The following TAF2 variants were observed in gnomAD, a reference collection of about 807,000 sequenced individuals.
TAF2 encodes transcription initiation factor TFIID subunit 2.
In TAF2, 61 loss-of-function variants were observed where a neutral mutation model predicts 138.5. The observed-to-expected ratio is 0.44, with a 90% confidence interval of 0.36 to 0.54. TAF2 has a LOEUF of 0.54. Among genes scored for constraint, TAF2 ranks in the 20% least tolerant of loss-of-function variants. The pLI, the probability that TAF2 is intolerant of heterozygous loss-of-function variation, is 0.00. For missense variants in TAF2, 1,090 were observed against 1,427.9 expected (o/e 0.76, Z 3.81); for synonymous variants, 475 against 469.9 (o/e 1.01, Z -0.14).
At chr8:119,738,424 T>C (rs1420636936) in intron 25 of TAF2, among the ~76,000 whole-genome samples, 1 of 152,198 alleles carries the variant, frequency 6.6e-6, no homozygotes, top group East Asian at 1.9e-4. Flanking sequence ...GTCTGCTAAA[T>C]TGTCCATTCA....
intron 20 of TAF2, among the ~76,000 whole-genome samples, chr8:119,759,921 T>C (rs1205599225): frequency 6.6e-6 from 1 of 152,164 alleles, no homozygotes; most frequent in African/African-American, 2.4e-5. Flanking sequence ...ACTATTCTTT[T>C]GCCTTGCACC....
chr8:119,794,582 C>A (rs1419002873), intron 9 of TAF2, among the ~76,000 whole-genome samples: 1 of 152,160 alleles, frequency 6.6e-6, no homozygotes, highest in African/African-American at 2.4e-5. Context: ...AATAATTTAA[C>A]CTTTCTTTCT....
In TAF2 at chr8:119,803,919, T is replaced by C. The variant is rs1824438762; in HGVS notation, c.519A>G (p.Arg173=). 1.2e-6 allele frequency: 2 copies of C among 1,613,854 alleles called. No individual in the cohort carries two copies. The highest frequency in any genetic ancestry group is 1.3e-5 in the African/African-American group (1 of 74,892). Residue 173 remains arginine, a synonymous_variant, in exon 5 of 26, where the codon AGA becomes AGG. Transcript: ENST00000378164. The part of the protein sequence containing the change: ...VPSVEGSMAE[R]GAHVFSCGYQ... ...ACCCACAAGAGAAAACATGAGCACC[T>C]CTCTCTGCCATACTTCCCTCTACAC...
At position 119,778,055 on chromosome 8, in the gene TAF2, T is replaced by C. The variant is rs771001599; in HGVS notation, c.2328A>G (p.Leu776=). The C allele has an allele frequency of 2.5e-6, 4 of 1,582,230 alleles. No homozygotes were observed. Among genetic ancestry groups the C allele is most frequent in the Non-Finnish European group, 3.5e-6 (4 of 1,154,348 alleles). The change falls in exon 18 of 26, where the codon TTA becomes TTG. Residue 776 remains leucine (L), a synonymous_variant. Coordinates refer to ENST00000378164, the MANE Select transcript of TAF2 (RefSeq NM_003184.4). The part of the protein sequence containing the change: ...LCPKEVLTFI[L]DLIKYNDNRK... ...TGTTGTCATTGTACTTGATTAAGTC[T>C]AAAATAAATGTTAAGACTTCTTTAG...
At chr8:119,744,772 TC>T (rs756555084) in intron 23 of TAF2, 6 of 386,640 alleles carry the variant, frequency 1.6e-5, no homozygotes, top group African/African-American at 4.2e-5. Context: ...TATAATGCAG[TC>T]TGTTGCGTGT....
Position 119,789,655 on chromosome 8 carries a change from C to A in TAF2, c.1505G>T (p.Gly502Val). ...GACATTTGAAATGGATTTCAAAAAC[C>A]CAGATGTGGAAACCAACATCTGACT... ...MWSQMLVSTS[G>V]FLKSISNVSG... Residue 502 changes from glycine (G) to valine (V), a missense_variant, in exon 12 of 26, where the codon GGG (glycine) becomes GTG (valine). This residue lies in a region of TAF2 where 504 missense variants were observed against 680.9 expected (regional missense o/e 0.74). Coordinates refer to ENST00000378164, the MANE Select transcript of TAF2 (RefSeq NM_003184.4). 6.2e-7 allele frequency: 1 copy of A among 1,613,790 alleles called. No individual in the cohort carries two copies. Among genetic ancestry groups the A allele is most frequent in the Non-Finnish European group, 8.5e-7 (1 of 1,179,920 alleles).
Position 119,758,115 on chromosome 8 carries a change from C to T in TAF2, c.2726G>A (p.Trp909Ter). The stretch of plus-strand genomic sequence containing the variant: ...GTCATTCTGAATCATATTAAGTAGC[C>T]ATTGCAGTTCTTCATAACTTCTGTC... ...KVDRSYEELQWLLNMIQNDPV... is the reference protein window; with the variant it reads ...KVDRSYEELQ Residue 909 changes from tryptophan (W) to a stop codon, truncating the protein, a stop_gained, in exon 21 of 26, where the codon TGG becomes TAG. Transcript: ENST00000378164. LOFTEE classifies it high-confidence loss of function. 1 of 1,612,938 alleles carries T rather than the reference C, an allele frequency of 6.2e-7. No homozygotes were observed. The highest frequency in any genetic ancestry group is 8.5e-7 in the Non-Finnish European group (1 of 1,179,546).
At chr8:119,794,674 C>T (rs1449123958) in intron 9 of TAF2, among the ~76,000 whole-genome samples, 1 of 152,112 alleles carries the variant, frequency 6.6e-6, no homozygotes, top group African/African-American at 2.4e-5. Flanking sequence ...ATTTATAAAA[C>T]ATTTGTAACA....
At chr8:119,821,355 A>G (rs2131259934) in intron 2 of TAF2, among the ~76,000 whole-genome samples, 1 of 151,988 alleles carries the variant, frequency 6.6e-6, no homozygotes, top group Non-Finnish European at 1.5e-5. Context: ...TGGAGCCCAC[A>G]CTCCATTTTA....
intron 3 of TAF2, among the ~76,000 whole-genome samples, chr8:119,812,303 A>G (rs1825125416): frequency 6.6e-6 from 1 of 151,800 alleles, no homozygotes; most frequent in Non-Finnish European, 1.5e-5. Context: ...CAAGACAGGG[A>G]GCCGAATGTG....
intron 1 of TAF2, among the ~76,000 whole-genome samples, chr8:119,832,146 G>C (rs1010715792): frequency 6.6e-5 from 10 of 151,636 alleles, no homozygotes; most frequent in African/African-American, 2.2e-4. Flanking sequence ...GCGACTGAGA[G>C]ACTCCGTCTT....
At chr8:119,737,525 T>TA (rs975738479) in intron 25 of TAF2, among the ~76,000 whole-genome samples, 1 of 150,800 alleles carries the variant, frequency 6.6e-6, no homozygotes, top group Non-Finnish European at 1.5e-5. Flanking sequence ...TTTTTTTTTT[T>TA]TGAGACAGAG....
In TAF2 at chr8:119,742,392, A is replaced by G. The variant is rs895339236; in HGVS notation, c.3337+142T>C. The G allele has an allele frequency of 3.0e-6, 3 of 989,620 alleles. No homozygotes were observed. In the East Asian group the frequency reaches 8.2e-5, roughly 27 times the overall value. The allele number at this position is 989,620 out of a possible 1,614,324, so 61.3% of individuals were successfully genotyped here. On this transcript the variant is annotated intron_variant, in intron 25 of 25. Transcript: ENST00000378164. ...AAAATAGTCTTTAAAGTTAGACAATATAAGCTCAATGTATTACAAGAAAAG... is the reference window on the plus strand; with the variant it reads ...AAAATAGTCTTTAAAGTTAGACAATGTAAGCTCAATGTATTACAAGAAAAG...
chr8:119,804,998 C>T (rs1346606734), intron 4 of TAF2, among the ~76,000 whole-genome samples: 2 of 152,162 alleles, frequency 1.3e-5, no homozygotes, highest in East Asian at 1.9e-4. Flanking sequence ...CCACGTCTGT[C>T]CCCTAAATTA....
chr8:119,770,033 C>G (rs1013651827), intron 18 of TAF2, among the ~76,000 whole-genome samples: 2 of 150,652 alleles, frequency 1.3e-5, no homozygotes, highest in African/African-American at 4.9e-5. Flanking sequence ...CTGGGATTAC[C>G]GGTGTAAGCC....
rs1431754493 is a variant in TAF2, at chr8:119,732,112, A to G, written c.3412T>C (p.Ser1138Pro). The change falls in exon 26 of 26, where the codon TCT (serine) becomes CCT (proline). Residue 1138 changes from serine to proline, a missense_variant. Physicochemically the swap from Ser to Pro is moderately conservative, Grantham distance 74. Transcript: ENST00000378164. Reference protein sequence around the residue: ...SAPLSVFTKESTASKHSDHHH... With the variant: ...SAPLSVFTKEPTASKHSDHHH... ...TGGTCACTGTGTTTGGAGGCTGTAG[A>G]TTCCTTAGTAAAGACTGAGAGTGGA... The G allele has an allele frequency of 3.1e-6, 5 of 1,613,988 alleles. No individual in the cohort carries two copies. In the East Asian group the frequency reaches 6.7e-5, roughly 22 times the overall value.
Position 119,832,498 on chromosome 8 carries a change from G to A in TAF2, c.67C>T (p.Pro23Ser), listed in dbSNP as rs1362005986. The change falls in exon 1 of 26, where the codon CCA becomes TCA. Residue 23 changes from proline (P) to serine (S), a missense_variant. This residue lies in a region of TAF2 where 504 missense variants were observed against 680.9 expected (regional missense o/e 0.74). Coordinates refer to ENST00000378164, the MANE Select transcript of TAF2 (RefSeq NM_003184.4). ...AATACTTATAATTTATATGGCCTTG[G>A]GCTTTCAAAGCCCTTGTCTCCTTTC... ...RKKGDKGFES[P>S]RPYKLTHQVV... is the part of the protein sequence containing the mutation. 1 of 1,613,890 alleles carries A rather than the reference G, an allele frequency of 6.2e-7. No individual in the cohort carries two copies. The highest frequency in any genetic ancestry group is 1.7e-5 in the Admixed American group (1 of 60,014).
At chr8:119,768,392 A>C (rs1821591254) in intron 18 of TAF2, among the ~76,000 whole-genome samples, 1 of 152,016 alleles carries the variant, frequency 6.6e-6, no homozygotes. Flanking sequence ...CTGCATTTTC[A>C]TGCCTCTTGT....
chr8:119,767,771 T>C (rs772013629), intron 18 of TAF2, among the ~76,000 whole-genome samples: 2 of 152,250 alleles, frequency 1.3e-5, no homozygotes, highest in Non-Finnish European at 2.9e-5. Context: ...AACAGGTCCC[T>C]GCTTCTTCAG....
Sources: allele counts gnomAD v4.1 joint callset (sites outside exome capture counted in the v4.1 genomes callset), GRCh38; gene constraint gnomAD v4.1.1; regional missense constraint gnomAD v4.1.1; transcripts MANE v1.5; gene names NCBI Gene and HGNC (gene_info 2026-07-23, HGNC 2026-07-21).